RCOR3: variants seen among roughly 807,000 people sequenced by gnomAD.
RCOR3 encodes the protein REST corepressor 3.
RCOR3 carries 13 observed loss-of-function variants against 64.1 expected under a neutral mutation model. The observed-to-expected ratio is 0.20, with a 90% CI of 0.13 to 0.32. The LOEUF (loss-of-function observed/expected upper bound fraction) is 0.32. Among genes scored for constraint, RCOR3 ranks in the 10% least tolerant of loss-of-function variants. The pLI, the probability that RCOR3 is intolerant of heterozygous loss-of-function variation, is 1.00. For synonymous variants in RCOR3, 215 were observed against 239.0 expected, an observed-to-expected ratio of 0.90 and a Z score of 0.93; for missense variants, 489 against 701.2, an observed-to-expected ratio of 0.70 and a Z score of 3.42.
intron 9 of RCOR3, among the ~76,000 whole-genome samples, chr1:211,300,714 AAGAG>A (rs1355923000): frequency 1.3e-5 from 2 of 152,228 alleles, no homozygotes; most frequent in Admixed American, 6.5e-5. Flanking sequence ...AGTCAAATAA[AAGAG>A]AGAAAGAATA....
At chr1:211,299,242 T>C (rs906761098) in intron 9 of RCOR3, among the ~76,000 whole-genome samples, 41 of 152,150 alleles carry the variant, frequency 2.7e-4, no homozygotes, top group African/African-American at 9.4e-4. Flanking sequence ...GTATTAGTTA[T>C]AGGAATGGAA....
At chr1:211,280,627 T>C (rs1312434668) in intron 7 of RCOR3, among the ~76,000 whole-genome samples, 1 of 152,208 alleles carries the variant, frequency 6.6e-6, no homozygotes, top group African/African-American at 2.4e-5. Context: ...AGTTATCCTT[T>C]GTCTTTCGCA....
intron 7 of RCOR3, among the ~76,000 whole-genome samples, chr1:211,282,998 AT>A (rs1357022792): frequency 6.6e-6 from 1 of 151,910 alleles, no homozygotes; most frequent in Non-Finnish European, 1.5e-5. Context: ...TTTTGTTATT[AT>A]TTTTGCGATT....
At chr1:211,264,989 T>TGAC (rs1420792450) in intron 2 of RCOR3, among the ~76,000 whole-genome samples, 1 of 152,220 alleles carries the variant, frequency 6.6e-6, no homozygotes. Flanking sequence ...ATGAACTACC[T>TGAC]GACTTCTCTA....
Position 211,312,922 on chromosome 1 carries a change from T to C in RCOR3, c.1278T>C (p.Ser426=). 6.2e-7 allele frequency: 1 copy of C among 1,614,186 alleles called. No homozygotes were observed. Among genetic ancestry groups the C allele is most frequent in the Non-Finnish European group, 8.5e-7 (1 of 1,180,020 alleles). ...TAGGGGAGGAGACAAAAAGTGCTTC[T>C]AATGTGCCATCAGGGAAGAGCACTG... ...STLGEETKSA[S]NVPSGKSTDE... is the part of the protein sequence containing the mutation. The change falls in exon 11 of 12, where the codon TCT becomes TCC. Residue 426 remains serine, a synonymous_variant. Coordinates refer to ENST00000419091, the MANE Select transcript of RCOR3 (RefSeq NM_001136223.3). This position sits in a 1 kb window ranked among gnomAD's most constrained non-coding sequence, Gnocchi z 5.0.
intron 7 of RCOR3, among the ~76,000 whole-genome samples, chr1:211,282,732 C>T (rs574433899): frequency 1.1e-4 from 16 of 152,332 alleles, no homozygotes; most frequent in Admixed American, 1.0e-3. Flanking sequence ...CTCCTGACCT[C>T]AGGTGATCCA....
intron 7 of RCOR3, among the ~76,000 whole-genome samples, chr1:211,282,316 A>G (rs958594124): frequency 6.6e-6 from 1 of 152,196 alleles, no homozygotes; most frequent in African/African-American, 2.4e-5. Context: ...GAAAGAAACT[A>G]CATTATTGCT....
intron 5 of RCOR3, among the ~76,000 whole-genome samples, chr1:211,276,815 C>G (rs4278412): frequency 0.96 from 145,544 of 152,196 alleles, 69,657 homozygotes; most frequent in East Asian, 1. Flanking sequence ...AGGCCGGGCG[C>G]GGTGGCTCAC....
At chr1:211,278,998 C>G (rs1019517519) in intron 6 of RCOR3, among the ~76,000 whole-genome samples, 1 of 151,932 alleles carries the variant, frequency 6.6e-6, no homozygotes, top group Non-Finnish European at 1.5e-5. Context: ...ACCAGCCTGG[C>G]CAACATGGTG....
intron 3 of RCOR3, among the ~76,000 whole-genome samples, chr1:211,272,601 T>C (rs1696364654): frequency 7.0e-6 from 1 of 142,382 alleles, no homozygotes; most frequent in South Asian, 2.2e-4. Context: ...GGGTGGATCC[T>C]GGATGTCTTA....
chr1:211,275,966 G>C (rs1696901164), intron 4 of RCOR3, among the ~76,000 whole-genome samples: 1 of 151,976 alleles, frequency 6.6e-6, no homozygotes, highest in African/African-American at 2.4e-5. Flanking sequence ...TAAACTCTTG[G>C]TGTGAACCTA....
chr1:211,278,573 A>G (rs1433144640), intron 6 of RCOR3, among the ~76,000 whole-genome samples: 5 of 152,134 alleles, frequency 3.3e-5, no homozygotes, highest in Non-Finnish European at 7.4e-5. Flanking sequence ...AAATCTTTTG[A>G]TAGTATAAAA....
In RCOR3 at chr1:211,313,702, G is replaced by A. The variant is rs200347813; in HGVS notation, c.1596G>A (p.Thr532=). 21 of 1,614,162 alleles carry A rather than the reference G, an allele frequency of 1.3e-5. No homozygotes were observed. The highest frequency in any genetic ancestry group is 4.5e-5 in the East Asian group (2 of 44,888). Residue 532 remains threonine (T), a synonymous_variant, in exon 12 of 12, where the codon ACG becomes ACA. Coordinates refer to ENST00000419091, the MANE Select transcript of RCOR3 (RefSeq NM_001136223.3). The surrounding 1 kb of genome is among the most constrained non-coding windows in gnomAD (Gnocchi z 4.7). The part of the protein sequence containing the change: ...PRLNPRPVLS[T]VGGQQPPSLI... Reference sequence around the variant, plus strand: ...TAAACCCAAGACCGGTGTTGTCCACGGTTGGTGGTCAACAGCCACCATCAC... The same window carrying A: ...TAAACCCAAGACCGGTGTTGTCCACAGTTGGTGGTCAACAGCCACCATCAC...
At chr1:211,278,052 ATC>A in intron 5 of RCOR3, 63 bp from the exon 6 acceptor site, 1 of 694,164 alleles carries the variant, frequency 1.4e-6, no homozygotes, top group South Asian at 3.3e-5. Context: ...TAGTAAAGAT[ATC>A]ATCAAAATTA....
Position 211,266,819 on chromosome 1 carries a change from G to C in RCOR3, c.224-4413G>C, listed in dbSNP as rs1042461980. On this transcript the variant is annotated intron_variant, in intron 2 of 11. Coordinates refer to ENST00000419091, the MANE Select transcript of RCOR3 (RefSeq NM_001136223.3). ...TGGACACAAAGTGTCCCAAGAGGTA[G>C]ATAAGTTATTTTTAATAGCACATGT... Among the ~76,000 whole-genome samples the C allele has an allele frequency of 4.6e-5, 7 of 152,338 alleles. No homozygotes were observed. In the South Asian group the frequency reaches 1.0e-3, roughly 23 times the overall value.
At chr1:211,311,118 C>A (rs927356027) in intron 10 of RCOR3, among the ~76,000 whole-genome samples, 1 of 152,058 alleles carries the variant, frequency 6.6e-6, no homozygotes. Flanking sequence ...GTGAAATAAC[C>A]TTGGATTTTT....
At chr1:211,280,802 GGAGAAACCCCGTCTC>G (rs1276787676) in intron 7 of RCOR3, among the ~76,000 whole-genome samples, 1 of 152,078 alleles carries the variant, frequency 6.6e-6, no homozygotes, top group Admixed American at 6.6e-5. Flanking sequence ...TGACCAACAT[GGAGAAACCCCGTCTC>G]TACTAAAAAT....
chr1:211,267,988 G>A, intron 2 of RCOR3: 1 of 281,178 alleles, frequency 3.6e-6, no homozygotes, highest in South Asian at 2.7e-5. Flanking sequence ...CAGACTTTCT[G>A]TAAGGCAAGA....
chr1:211,263,353 C>T (rs149188375), intron 2 of RCOR3, among the ~76,000 whole-genome samples: 3 of 151,994 alleles, frequency 2.0e-5, no homozygotes, highest in African/African-American at 7.2e-5. Flanking sequence ...TATTTTGAAA[C>T]CTAAATAGAA....
Sources: allele counts gnomAD v4.1 joint callset (sites outside exome capture counted in the v4.1 genomes callset), GRCh38; gene constraint gnomAD v4.1.1; non-coding constraint Gnocchi (gnomAD v3.1); transcripts MANE v1.5; gene names NCBI Gene and HGNC (gene_info 2026-07-23, HGNC 2026-07-21).